The following MAGI2 variants were observed in gnomAD, a reference collection of about 807,000 sequenced individuals.
MAGI2 encodes the protein membrane-associated guanylate kinase, WW and PDZ domain-containing protein 2.
Under a neutral mutation model 133.3 loss-of-function variants are expected in MAGI2, and 35 were observed. That is an observed-to-expected ratio of 0.26 (90% CI 0.20 to 0.35). The LOEUF is 0.35. Ranked by LOEUF, MAGI2 falls within the 10% of genes least tolerant of loss-of-function variation. MAGI2 has a pLI of 1.00. For missense variants in MAGI2, 1,636 were observed against 1,863.4 expected (o/e 0.88, Z 2.25); for synonymous variants, 729 against 710.6 (o/e 1.03, Z -0.41).
At chr7:78,219,849 C>T (rs1248570821) in intron 10 of MAGI2, among the ~76,000 whole-genome samples, 1 of 152,174 alleles carries the variant, frequency 6.6e-6, no homozygotes, top group Non-Finnish European at 1.5e-5. Flanking sequence ...AGCCCCAGTA[C>T]CTCAGAACTT....
intron 2 of MAGI2, among the ~76,000 whole-genome samples, chr7:78,985,121 C>T (rs1039281992): frequency 6.6e-5 from 10 of 151,848 alleles, no homozygotes; most frequent in Admixed American, 5.3e-4. Context: ...CCTGCATTGG[C>T]CTCTCAAAGT....
At chr7:79,242,632 C>G (rs1241073942) in intron 1 of MAGI2, among the ~76,000 whole-genome samples, 1 of 152,150 alleles carries the variant, frequency 6.6e-6, no homozygotes, top group Non-Finnish European at 1.5e-5. Flanking sequence ...TTATCCTGAT[C>G]TAAATCTTTA....
At chr7:78,445,460 A>G (rs1244466325) in intron 6 of MAGI2, among the ~76,000 whole-genome samples, 1 of 152,064 alleles carries the variant, frequency 6.6e-6, no homozygotes, top group Non-Finnish European at 1.5e-5. Flanking sequence ...TACTTGTTTG[A>G]GAATGTCTGT....
intron 1 of MAGI2, among the ~76,000 whole-genome samples, chr7:79,224,433 A>G (rs1286771800): frequency 1.3e-5 from 2 of 151,962 alleles, no homozygotes; most frequent in Non-Finnish European, 2.9e-5. Context: ...ACTTCTGCCA[A>G]CTTTGTCGAA....
chr7:78,103,135 T>G (rs1818350940), intron 20 of MAGI2, among the ~76,000 whole-genome samples: 3 of 152,184 alleles, frequency 2.0e-5, no homozygotes, highest in Non-Finnish European at 4.4e-5. Context: ...AAGACAAAAT[T>G]GATCTTTCCC....
At chr7:78,667,430 T>C (rs985286885) in intron 2 of MAGI2, among the ~76,000 whole-genome samples, 11 of 151,914 alleles carry the variant, frequency 7.2e-5, no homozygotes, top group Non-Finnish European at 1.3e-4. Context: ...AGGGTACATG[T>C]GCACAATGTG....
At chr7:79,161,328 C>T (rs892145269) in intron 1 of MAGI2, among the ~76,000 whole-genome samples, 1 of 151,926 alleles carries the variant, frequency 6.6e-6, no homozygotes, top group Admixed American at 6.6e-5. Flanking sequence ...GAGTGCTAGT[C>T]GGGACAAATC....
At chr7:79,116,546 C>T (rs1210452863) in intron 1 of MAGI2, among the ~76,000 whole-genome samples, 3 of 152,134 alleles carry the variant, frequency 2.0e-5, no homozygotes, top group East Asian at 3.9e-4. Context: ...GCCATAATTA[C>T]CTACAGCTCC....
intron 2 of MAGI2, among the ~76,000 whole-genome samples, chr7:78,685,537 C>G (rs1228811428): frequency 6.8e-6 from 1 of 146,410 alleles, no homozygotes; most frequent in African/African-American, 2.5e-5. Context: ...TAGAGAACTA[C>G]AAGAACATAA....
chr7:79,107,386 A>G (rs1818532639), intron 1 of MAGI2, among the ~76,000 whole-genome samples: 1 of 152,218 alleles, frequency 6.6e-6, no homozygotes, highest in Non-Finnish European at 1.5e-5. Context: ...GAATTCTGCA[A>G]ATGACCTGAA....
At chr7:78,388,141 C>G (rs17150638) in intron 6 of MAGI2, among the ~76,000 whole-genome samples, 82,125 of 151,762 alleles carry the variant, frequency 0.54, 23,141 homozygotes, top group Middle Eastern at 0.66. Flanking sequence ...GGTTTTCTTG[C>G]ATAAGCCTCA....
At chr7:78,406,103 G>A (rs896632528) in intron 6 of MAGI2, among the ~76,000 whole-genome samples, 4 of 151,964 alleles carry the variant, frequency 2.6e-5, no homozygotes, top group Admixed American at 1.3e-4. Flanking sequence ...AAAATGACTC[G>A]TCATCCTAGA....
At chr7:78,059,083 C>T (rs1248228716) in intron 21 of MAGI2, among the ~76,000 whole-genome samples, 1 of 152,176 alleles carries the variant, frequency 6.6e-6, no homozygotes, top group Admixed American at 6.5e-5. Flanking sequence ...CCCTGCATCT[C>T]CTAGGTTATC....
At chr7:78,521,285 TG>T (rs1796479064) in intron 4 of MAGI2, 144 bp downstream of exon 4, 1 of 493,216 alleles carries the variant, frequency 2.0e-6, no homozygotes, top group Non-Finnish European at 3.6e-6. Context: ...TAATTACACG[TG>T]AACACACAGA....
intron 3 of MAGI2, among the ~76,000 whole-genome samples, chr7:78,580,965 T>C (rs1304570878): frequency 6.6e-6 from 1 of 152,222 alleles, no homozygotes; most frequent in Admixed American, 6.5e-5. Context: ...CAATAGAATT[T>C]TGAATTTAAT....
intron 2 of MAGI2, among the ~76,000 whole-genome samples, chr7:78,636,696 G>A (rs948376794): frequency 3.9e-5 from 6 of 152,134 alleles, no homozygotes; most frequent in South Asian, 2.1e-4. Context: ...TACTCGGGAC[G>A]CTGAGGCAGG....
At chr7:78,330,098 T>C (rs1192443837) in intron 9 of MAGI2, among the ~76,000 whole-genome samples, 1 of 152,170 alleles carries the variant, frequency 6.6e-6, no homozygotes, top group African/African-American at 2.4e-5. Context: ...TATTGGGAGA[T>C]AGTCTTATGG....
At chr7:78,726,926 T>TTTG (rs1176151618) in intron 2 of MAGI2, among the ~76,000 whole-genome samples, 65 of 152,242 alleles carry the variant, frequency 4.3e-4, no homozygotes, top group African/African-American at 1.3e-3. Flanking sequence ...TGGGTTTTTT[T>TTTG]TTTTTGAAGT....
chr7:78,595,984 G>A (rs1804552111), intron 3 of MAGI2, among the ~76,000 whole-genome samples: 1 of 152,128 alleles, frequency 6.6e-6, no homozygotes. Flanking sequence ...AAATATGCAT[G>A]AATTGGGATC....
Sources: gnomAD v4.1 joint callset for allele counts (sites outside exome capture counted in the v4.1 genomes callset) on GRCh38, gnomAD v4.1.1 for gene constraint, MANE v1.5 for transcripts, NCBI Gene and HGNC (gene_info 2026-07-23, HGNC 2026-07-21) for gene names.